Variants in RBFOX1 observed in about 807,000 individuals in gnomAD.
RBFOX1 encodes the protein RNA binding fox-1 homolog 1.
RBFOX1 carries 8 observed loss-of-function variants against 57.7 expected under a neutral mutation model. That is an observed-to-expected ratio of 0.14 (90% CI 0.08 to 0.25). The LOEUF (loss-of-function observed/expected upper bound fraction) is 0.25, where lower values mean the gene tolerates loss of function less well. RBFOX1 is among the 10% of genes least tolerant of loss of function. The pLI is 1.00. For missense variants in RBFOX1, 611 were observed against 548.5 expected, an observed-to-expected ratio of 1.11 and a Z score of -1.14; for synonymous variants, 326 against 222.4, an observed-to-expected ratio of 1.47 and a Z score of -4.15.
intron 14 of RBFOX1, among the ~76,000 whole-genome samples, chr16:7,698,943 G>C (rs930118053): frequency 6.6e-6 from 1 of 152,196 alleles, no homozygotes; most frequent in East Asian, 1.9e-4. Flanking sequence ...AAGTGGGAAA[G>C]TGCTGTATCC....
intron 1 of RBFOX1, among the ~76,000 whole-genome samples, chr16:5,253,407 C>G (rs1438645612): frequency 6.6e-6 from 1 of 152,162 alleles, no homozygotes; most frequent in African/African-American, 2.4e-5. Flanking sequence ...CCACCTCGGC[C>G]TCCCAAAGTG....
rs569763584 is a variant in RBFOX1, at chr16:6,452,194, C to G, written c.-64+135137C>G. Among the ~76,000 whole-genome samples, 4 of 150,654 alleles carry G rather than the reference C, an allele frequency of 2.7e-5. No individual in the cohort carries two copies. The South Asian group carries it at 8.5e-4, about 32-fold the overall frequency. On this transcript the variant is annotated intron_variant, in intron 2 of 15. Coordinates refer to ENST00000550418, the MANE Select transcript of RBFOX1 (RefSeq NM_018723.4). ...TGGATCCTTCCTTCCATGACTCCAC[C>G]CATGGCTTCTTCCTTCCATGACTCC...
At chr16:7,536,016 C>T (rs547403768) in intron 5 of RBFOX1, among the ~76,000 whole-genome samples, 8 of 152,090 alleles carry the variant, frequency 5.3e-5, no homozygotes, top group African/African-American at 1.2e-4. Flanking sequence ...TACAGTCTAC[C>T]GTAACACAGA....
Position 7,291,216 on chromosome 16 carries a change from A to G in RBFOX1, c.28-226931A>G, listed in dbSNP as rs150786158. Reference sequence around the variant, plus strand: ...GTGCAGAACCAGCTTAAAGCATTCAATACTGTGCCCTAACCAGCTGAAGGG... The same window carrying G: ...GTGCAGAACCAGCTTAAAGCATTCAGTACTGTGCCCTAACCAGCTGAAGGG... On this transcript the variant is annotated intron_variant, in intron 4 of 15. Transcript: ENST00000550418. Among the ~76,000 whole-genome samples, 475 of 152,310 alleles carry G rather than the reference A, an allele frequency of 3.1e-3. 3 individuals are homozygous for G. Among genetic ancestry groups the G allele is most frequent in the African/African-American group, 0.011 (438 of 41,572 alleles).
chr16:6,090,387 A>G (rs1389667084), intron 1 of RBFOX1, among the ~76,000 whole-genome samples: 1 of 152,196 alleles, frequency 6.6e-6, no homozygotes, highest in African/African-American at 2.4e-5. Context: ...TATTCTGCAG[A>G]TCACATATCA....
At chr16:6,996,694 G>C (rs1470477177) in intron 3 of RBFOX1, among the ~76,000 whole-genome samples, 1 of 152,164 alleles carries the variant, frequency 6.6e-6, no homozygotes, top group East Asian at 1.9e-4. Flanking sequence ...GCAGGATTGG[G>C]ATTCAATTGA....
chr16:5,245,355 GCAATGTGTGC>G (rs563387572), intron 1 of RBFOX1, among the ~76,000 whole-genome samples: 171 of 152,320 alleles, frequency 1.1e-3, no homozygotes, highest in African/African-American at 3.9e-3. Context: ...GACCCAGGGG[GCAATGTGTGC>G]CAGGACAGAT....
intron 2 of RBFOX1, among the ~76,000 whole-genome samples, chr16:6,515,556 C>G (rs1640967): frequency 0.14 from 21,303 of 152,212 alleles, 2,335 homozygotes; most frequent in East Asian, 0.43. Context: ...ATTTATGAAC[C>G]TCTGTTTAAA....
intron 5 of RBFOX1, among the ~76,000 whole-genome samples, chr16:7,540,392 G>A (rs2082606739): frequency 6.6e-6 from 1 of 152,118 alleles, no homozygotes; most frequent in South Asian, 2.1e-4. Context: ...TCACATCCAG[G>A]CTCCCTCAGG....
intron 4 of RBFOX1, among the ~76,000 whole-genome samples, chr16:7,181,957 G>T (rs2082801236): frequency 6.6e-6 from 1 of 152,118 alleles, no homozygotes; most frequent in African/African-American, 2.4e-5. Context: ...GAAGGAAAAG[G>T]GTTAATTTCT....
chr16:6,336,319 C>T (rs997905286), intron 2 of RBFOX1, among the ~76,000 whole-genome samples: 5 of 148,114 alleles, frequency 3.4e-5, no homozygotes, highest in African/African-American at 1.2e-4. Context: ...CCTCAGCCTC[C>T]CGTGTAGCTG....
At chr16:5,907,702 C>A (rs190901798) in intron 4 of RBFOX1, among the ~76,000 whole-genome samples, 2 of 150,508 alleles carry the variant, frequency 1.3e-5, no homozygotes, top group African/African-American at 4.9e-5. Flanking sequence ...AATTAAGACG[C>A]GAACTCAAGG....
At chr16:6,783,617 GTTA>G (rs1369372440) in intron 3 of RBFOX1, among the ~76,000 whole-genome samples, 7 of 151,956 alleles carry the variant, frequency 4.6e-5, no homozygotes, top group Admixed American at 3.9e-4. Flanking sequence ...AATTGTTGTA[GTTA>G]TTATTATTTT....
intron 4 of RBFOX1, among the ~76,000 whole-genome samples, chr16:5,953,703 C>G (rs1375634438): frequency 9.4e-6 from 1 of 105,826 alleles, no homozygotes; most frequent in Non-Finnish European, 1.8e-5. Flanking sequence ...AGTCTTCTGT[C>G]TTATATATAT....
chr16:7,628,549 C>G (rs2060437160), intron 10 of RBFOX1, among the ~76,000 whole-genome samples: 1 of 152,092 alleles, frequency 6.6e-6, no homozygotes, highest in East Asian at 1.9e-4. Context: ...TCCCCAGTGA[C>G]CTGCTAAAAC....
intron 3 of RBFOX1, among the ~76,000 whole-genome samples, chr16:6,876,025 TAAGC>T (rs1345032875): frequency 6.6e-6 from 1 of 150,600 alleles, no homozygotes; most frequent in African/African-American, 2.4e-5. Flanking sequence ...TTAAAAAAAA[TAAGC>T]AGGCATAGTA....
intron 4 of RBFOX1, among the ~76,000 whole-genome samples, chr16:7,361,088 C>A (rs1011563451): frequency 1.3e-5 from 2 of 152,080 alleles, no homozygotes; most frequent in Non-Finnish European, 2.9e-5. Flanking sequence ...GGTTTCTTGG[C>A]CATTGTTGAA....
chr16:7,259,991 A>G (rs1282050746), intron 4 of RBFOX1, among the ~76,000 whole-genome samples: 1 of 152,140 alleles, frequency 6.6e-6, no homozygotes, highest in East Asian at 1.9e-4. Flanking sequence ...AGTTGATCCC[A>G]ATGCTTTTGT....
At chr16:5,436,980 A>G (rs748013421) in intron 1 of RBFOX1, among the ~76,000 whole-genome samples, 30 of 152,112 alleles carry the variant, frequency 2.0e-4, no homozygotes, top group Non-Finnish European at 3.8e-4. Flanking sequence ...ACCTGCCCCC[A>G]TGACTGGCAG....
Sources: gnomAD v4.1 joint callset for allele counts (sites outside exome capture counted in the v4.1 genomes callset) on GRCh38, gnomAD v4.1.1 for gene constraint, MANE v1.5 for transcripts, NCBI Gene and HGNC (gene_info 2026-07-23, HGNC 2026-07-21) for gene names.